Variants in CDH12 observed in about 807,000 individuals in gnomAD.
The protein encoded by CDH12 is cadherin 12.
A neutral mutation model predicts 74.1 loss-of-function variants in CDH12; 41 were observed. That is an observed-to-expected ratio of 0.55 (90% confidence interval 0.43 to 0.72). The LOEUF is 0.72. Among genes scored for constraint, CDH12 ranks in the 30% least tolerant of loss-of-function variants. The pLI, the probability that CDH12 is intolerant of heterozygous loss-of-function variation, is 0.00. For missense variants in CDH12, 945 were observed against 977.2 expected (o/e 0.97, Z 0.44); for synonymous variants, 399 against 355.0 (o/e 1.12, Z -1.39).
rs377036047 is a variant in CDH12 at position 21,761,108 on chromosome 5, C to T, written c.1516-433G>A. Reference sequence around the variant, plus strand: ...TATGAGTTATGTTTTGTAACAATGGCTCTATTTTCATAAATAAATAAAATG... The same window carrying T: ...TATGAGTTATGTTTTGTAACAATGGTTCTATTTTCATAAATAAATAAAATG... On this transcript the variant is annotated intron_variant, in intron 12 of 14. Coordinates refer to ENST00000382254, the MANE Select transcript of CDH12 (RefSeq NM_004061.5). Among the ~76,000 whole-genome samples, 19 of 152,148 alleles carry T rather than the reference C, an allele frequency of 1.2e-4. No homozygotes were observed. The East Asian group carries it at 2.5e-3, about 20-fold the overall frequency.
rs1308591156 is a variant in CDH12, at chr5:21,802,401, T to C, written c.1022A>G (p.Lys341Arg). ...KLKKPLDFETKKAYTFKVEAS... is the reference protein window; with the variant it reads ...KLKKPLDFETRKAYTFKVEAS... ...CTCAACTTTGAAAGTGTATGCCTTCTTTGTTTCAAAATCTAAAGGCTGTAG... is the reference window on the plus strand; with the variant it reads ...CTCAACTTTGAAAGTGTATGCCTTCCTTGTTTCAAAATCTAAAGGCTGTAG... The change falls in exon 10 of 15, where the codon AAG becomes AGG. Residue 341 changes from lysine (K) to arginine (R), a missense_variant. This residue lies in a region of CDH12 where 791 missense variants were observed against 792.8 expected (regional missense o/e 1.00). Transcript: ENST00000382254. The C allele has an allele frequency of 5.6e-6, 9 of 1,613,622 alleles. No homozygotes were observed. Among genetic ancestry groups the C allele is most frequent in the Non-Finnish European group, 6.8e-6 (8 of 1,179,656 alleles).
intron 1 of CDH12, among the ~76,000 whole-genome samples, chr5:22,649,037 C>A (rs1315239229): frequency 6.6e-6 from 1 of 151,730 alleles, no homozygotes; most frequent in African/African-American, 2.4e-5. Flanking sequence ...TACTGAATTA[C>A]AAAGTATGTG....
chr5:22,441,778 C>T (rs1357353196), intron 2 of CDH12, among the ~76,000 whole-genome samples: 1 of 152,114 alleles, frequency 6.6e-6, no homozygotes, highest in African/African-American at 2.4e-5. Flanking sequence ...CGTGTTGGCT[C>T]ACTGCAACCC....
intron 4 of CDH12, among the ~76,000 whole-genome samples, chr5:22,198,879 T>TTTTATTTATTTA (rs57356477): frequency 0.079 from 11,911 of 150,370 alleles, 659 homozygotes; most frequent in Non-Finnish European, 0.12. Context: ...CATTTTTTAT[T>TTTTATTTATTTA]TTTATTTATT....
At chr5:22,066,268 C>T (rs1009282496) in intron 5 of CDH12, among the ~76,000 whole-genome samples, 6 of 152,104 alleles carry the variant, frequency 3.9e-5, no homozygotes, top group Non-Finnish European at 8.8e-5. Flanking sequence ...ATTACCCCAG[C>T]ACTATACACT....
At chr5:22,453,532 A>G (rs1473437814) in intron 2 of CDH12, among the ~76,000 whole-genome samples, 1 of 152,160 alleles carries the variant, frequency 6.6e-6, no homozygotes, top group Non-Finnish European at 1.5e-5. Flanking sequence ...CTGTAAAATG[A>G]TGATCCCATA....
chr5:22,651,921 G>A (rs899155114), intron 1 of CDH12, among the ~76,000 whole-genome samples: 1 of 151,892 alleles, frequency 6.6e-6, no homozygotes, highest in African/African-American at 2.4e-5. Flanking sequence ...GGAATCACAG[G>A]AAAACCCCCC....
At chr5:22,100,307 G>A (rs551836616) in intron 4 of CDH12, among the ~76,000 whole-genome samples, 1 of 152,224 alleles carries the variant, frequency 6.6e-6, no homozygotes, top group African/African-American at 2.4e-5. Flanking sequence ...GAGGGATAGT[G>A]AGAGATATAT....
rs111700512 is a variant in CDH12, at chr5:22,574,091, T to C, written c.-522-68727A>G. ...TCTCTCTCTTTTTTTTTTTTTTTTT[T>C]TTTTTTGAGATGGAGTCTCGCTCTG... is the stretch of plus-strand genomic sequence containing the variant. On this transcript the variant is annotated intron_variant, in intron 1 of 14. Transcript: ENST00000382254. Among the ~76,000 whole-genome samples, 3 of 142,264 alleles carry C rather than the reference T, an allele frequency of 2.1e-5. No homozygotes were observed. In the Admixed American group the frequency reaches 2.1e-4, roughly 10 times the overall value. 93.3% of individuals were successfully genotyped at this position (142,264 alleles called of 152,430 possible). A position where few individuals can be genotyped will look rare whatever the true frequency, so the allele number is the denominator to read the frequency against.
At chr5:22,318,916 T>C (rs540606430) in intron 3 of CDH12, among the ~76,000 whole-genome samples, 1 of 152,298 alleles carries the variant, frequency 6.6e-6, no homozygotes, top group Non-Finnish European at 1.5e-5. Context: ...GCTCATCTAA[T>C]GTATGTGTCA....
chr5:22,603,287 C>T (rs1199146658), intron 1 of CDH12, among the ~76,000 whole-genome samples: 1 of 151,964 alleles, frequency 6.6e-6, no homozygotes, highest in African/African-American at 2.4e-5. Flanking sequence ...TTTTACCACA[C>T]TAAAATAGTT....
At chr5:22,527,438 C>T (rs952148823) in intron 1 of CDH12, among the ~76,000 whole-genome samples, 2 of 152,080 alleles carry the variant, frequency 1.3e-5, no homozygotes, top group South Asian at 2.1e-4. Context: ...AATAAGCTTC[C>T]TATTTTACTT....
At position 22,822,750 on chromosome 5, in the gene CDH12, T is replaced by C. The variant is rs547469929; in HGVS notation, c.-523+30308A>G. ...AGGAAACAACAGGTGCTGGAGAGGATGTGGAGAAATAGGAACACTTTTACA... is the reference window on the plus strand; with the variant it reads ...AGGAAACAACAGGTGCTGGAGAGGACGTGGAGAAATAGGAACACTTTTACA... On this transcript the variant is annotated intron_variant, in intron 1 of 14. Coordinates refer to ENST00000382254, the MANE Select transcript of CDH12 (RefSeq NM_004061.5). 2.2e-4 allele frequency among the ~76,000 whole-genome samples: 34 copies of C among 152,192 alleles called. No homozygotes were observed. In the South Asian group the frequency reaches 4.6e-3, roughly 20 times the overall value.
At chr5:22,158,440 G>A (rs974834873) in intron 4 of CDH12, among the ~76,000 whole-genome samples, 1 of 151,964 alleles carries the variant, frequency 6.6e-6, no homozygotes, top group African/African-American at 2.4e-5. Flanking sequence ...TTAGTCCCCA[G>A]AAAACCACTG....
intron 1 of CDH12, among the ~76,000 whole-genome samples, chr5:22,731,834 G>T (rs1744444183): frequency 6.6e-6 from 1 of 151,744 alleles, no homozygotes; most frequent in African/African-American, 2.4e-5. Flanking sequence ...ACTATGGCAT[G>T]ACTTAGCTAA....
At position 22,069,068 on chromosome 5, in the gene CDH12, G is replaced by A. The variant is rs112735587; in HGVS notation, c.231+9378C>T. On this transcript the variant is annotated intron_variant, in intron 5 of 14. Transcript: ENST00000382254. The stretch of plus-strand genomic sequence containing the variant: ...TCTTACTGGAACAAACACTCTGGAT[G>A]CAGATTTTCCTTCCAAGCATATAAT... Among the ~76,000 whole-genome samples, 8 of 152,302 alleles carry A rather than the reference G, an allele frequency of 5.3e-5. No homozygotes were observed. In the East Asian group the frequency reaches 1.6e-3, roughly 30 times the overall value.
chr5:22,693,086 A>T (rs1742169477), intron 1 of CDH12, among the ~76,000 whole-genome samples: 1 of 151,840 alleles, frequency 6.6e-6, no homozygotes, highest in Non-Finnish European at 1.5e-5. Flanking sequence ...CCTAGGCTCA[A>T]GCCATCTTCC....
intron 5 of CDH12, among the ~76,000 whole-genome samples, chr5:22,012,579 T>A (rs1226148634): frequency 1.3e-5 from 2 of 152,142 alleles, no homozygotes; most frequent in Admixed American, 6.6e-5. Flanking sequence ...CATGTGTTAT[T>A]CTATGGAGAA....
intron 3 of CDH12, among the ~76,000 whole-genome samples, chr5:22,405,053 T>C (rs1271635593): frequency 1.3e-5 from 2 of 151,782 alleles, no homozygotes; most frequent in African/African-American, 2.4e-5. Context: ...CTACTATAAA[T>C]ACAAAAATTA....
Sources: gnomAD v4.1 joint callset for allele counts (sites outside exome capture counted in the v4.1 genomes callset) on GRCh38, gnomAD v4.1.1 for gene constraint, gnomAD v4.1.1 regional missense constraint, MANE v1.5 for transcripts, NCBI Gene and HGNC (gene_info 2026-07-23, HGNC 2026-07-21) for gene names.